MYRIP: variants seen among roughly 807,000 people sequenced by gnomAD.
MYRIP encodes myosin VIIA and Rab interacting protein.
A neutral mutation model predicts 98.0 loss-of-function variants in MYRIP; 49 were observed. The ratio of observed to expected loss-of-function variants is 0.50; its 90% confidence interval spans 0.40 to 0.63. MYRIP has a LOEUF of 0.63. MYRIP is among the 30% of genes least tolerant of loss of function. The pLI, the probability that MYRIP is intolerant of heterozygous loss-of-function variation, is 0.00. For missense variants in MYRIP, 1,004 were observed against 1,058.2 expected (o/e 0.95, Z 0.71); for synonymous variants, 404 against 409.5 (o/e 0.99, Z 0.16).
intron 3 of MYRIP, among the ~76,000 whole-genome samples, chr3:40,067,841 A>G (rs1184345197): frequency 6.6e-6 from 1 of 152,196 alleles, no homozygotes; most frequent in Non-Finnish European, 1.5e-5. Flanking sequence ...TGATCCTATC[A>G]CCTTGATAGA....
chr3:39,889,985 A>C (rs1212858743), intron 1 of MYRIP, among the ~76,000 whole-genome samples: 6 of 152,154 alleles, frequency 3.9e-5, no homozygotes, highest in Non-Finnish European at 5.9e-5. Flanking sequence ...TAAAAAATCT[A>C]AAATTTTTTT....
At chr3:39,943,445 G>C (rs2125711148) in intron 2 of MYRIP, among the ~76,000 whole-genome samples, 1 of 152,166 alleles carries the variant, frequency 6.6e-6, no homozygotes, top group South Asian at 2.1e-4. Flanking sequence ...CCTGTGCTTT[G>C]GGAGAGGATT....
intron 2 of MYRIP, among the ~76,000 whole-genome samples, chr3:39,968,994 ACTT>A (rs1395541732): frequency 1.3e-5 from 2 of 152,000 alleles, no homozygotes; most frequent in Non-Finnish European, 2.9e-5. Flanking sequence ...ATCTTCTCTG[ACTT>A]CTTTGAGAAG....
chr3:39,945,339 G>C (rs982761755), intron 2 of MYRIP, among the ~76,000 whole-genome samples: 1 of 137,040 alleles, frequency 7.3e-6, no homozygotes, highest in Non-Finnish European at 1.6e-5. Flanking sequence ...AAAAAAAGCT[G>C]TGCATGATGG....
At position 40,239,418 on chromosome 3, in the gene MYRIP, T is replaced by A. The variant is rs551438125; in HGVS notation, c.2101-5028T>A. On this transcript the variant is annotated intron_variant, in intron 12 of 16. Coordinates refer to ENST00000302541, the MANE Select transcript of MYRIP (RefSeq NM_015460.4). ...CATGATTCATAATCCTTTGGGTATA[T>A]ACCCAGTAATGGGATGGCTGGGTCA... Among the ~76,000 whole-genome samples the A allele has an allele frequency of 2.6e-3, 394 of 149,040 alleles. 5 individuals are homozygous for A. The highest frequency in any genetic ancestry group is 9.9e-3 in the African/African-American group (381 of 38,676).
intron 3 of MYRIP, among the ~76,000 whole-genome samples, chr3:40,095,562 C>T (rs1254424102): frequency 6.6e-6 from 1 of 152,116 alleles, no homozygotes; most frequent in Admixed American, 6.5e-5. Context: ...TTTCCCGAAG[C>T]CCCTAACGAT....
intron 10 of MYRIP, among the ~76,000 whole-genome samples, chr3:40,201,355 G>C (rs1040861769): frequency 3.9e-5 from 6 of 152,302 alleles, no homozygotes; most frequent in East Asian, 1.9e-4. Context: ...TGGATACCAA[G>C]TCAGGAGGTT....
chr3:39,886,423 T>G (rs1210691841), intron 1 of MYRIP, among the ~76,000 whole-genome samples: 14 of 148,696 alleles, frequency 9.4e-5, no homozygotes, highest in African/African-American at 3.2e-4. Flanking sequence ...GACCCATCAG[T>G]GTGCTGTATT....
intron 3 of MYRIP, among the ~76,000 whole-genome samples, chr3:40,065,504 T>C (rs145212712): frequency 6.1e-4 from 93 of 152,258 alleles, no homozygotes; most frequent in African/African-American, 2.1e-3. Context: ...TGGATGTTGA[T>C]ATCAGTCTTG....
At chr3:39,871,396 T>C (rs545178642) in intron 1 of MYRIP, among the ~76,000 whole-genome samples, 3 of 152,304 alleles carry the variant, frequency 2.0e-5, no homozygotes, top group South Asian at 2.1e-4. Context: ...TAGTTTTTAT[T>C]ATGCATGGAG....
Position 40,190,174 on chromosome 3 carries a change from C to T in MYRIP, c.1376C>T (p.Ser459Phe). 2 of 1,614,194 alleles carry T rather than the reference C, an allele frequency of 1.2e-6. No homozygotes were observed. The highest frequency in any genetic ancestry group is 1.7e-6 in the Non-Finnish European group (2 of 1,180,044). Residue 459 changes from serine (S) to phenylalanine (F), a missense_variant, in exon 10 of 17, where the codon TCC becomes TTC. By Grantham distance (155) the Ser-to-Phe change is radical. This residue lies in a region of MYRIP where 880 missense variants were observed against 907.7 expected (regional missense o/e 0.97). Coordinates refer to ENST00000302541, the MANE Select transcript of MYRIP (RefSeq NM_015460.4). The stretch of plus-strand genomic sequence containing the variant: ...ATGTGCTCTGACTCGGAGACCTCCT[C>T]CGCAGGCTCTTCCCGAGAAGTTGGG... ...EAMCSDSETS[S>F]AGSSREVGHQ...
At chr3:40,110,237 T>A (rs1949131414) in intron 3 of MYRIP, among the ~76,000 whole-genome samples, 1 of 152,228 alleles carries the variant, frequency 6.6e-6, no homozygotes, top group Admixed American at 6.5e-5. Context: ...TGTGGCTGTG[T>A]CCTTGGAAAG....
At chr3:40,123,964 C>T (rs1186624602) in intron 3 of MYRIP, among the ~76,000 whole-genome samples, 1 of 152,150 alleles carries the variant, frequency 6.6e-6, no homozygotes, top group Non-Finnish European at 1.5e-5. Context: ...GGTGCAAGGC[C>T]ACCTCCCTGG....
chr3:39,929,193 A>G (rs1944487537), intron 2 of MYRIP, among the ~76,000 whole-genome samples: 1 of 152,068 alleles, frequency 6.6e-6, no homozygotes, highest in Non-Finnish European at 1.5e-5. Context: ...TTAGATGTCA[A>G]TCTAGCAAAA....
intron 3 of MYRIP, among the ~76,000 whole-genome samples, chr3:40,131,879 AT>A (rs921339914): frequency 2.6e-5 from 4 of 151,006 alleles, no homozygotes; most frequent in African/African-American, 7.3e-5. Context: ...AATATCTCTA[AT>A]TTTTTTTTCA....
chr3:40,217,946 T>G (rs1006666417), intron 11 of MYRIP, among the ~76,000 whole-genome samples: 4 of 152,032 alleles, frequency 2.6e-5, no homozygotes, highest in African/African-American at 9.7e-5. Context: ...TAAAATCAAC[T>G]GAAAAGATTA....
intron 2 of MYRIP, among the ~76,000 whole-genome samples, chr3:39,999,574 G>T (rs1168907278): frequency 6.7e-6 from 1 of 150,046 alleles, no homozygotes; most frequent in African/African-American, 2.5e-5. Flanking sequence ...CACACTGTTG[G>T]TGGGACTGTA....
intron 2 of MYRIP, among the ~76,000 whole-genome samples, chr3:39,909,888 T>TG (rs59634642): frequency 2.6e-5 from 4 of 151,460 alleles, no homozygotes; most frequent in African/African-American, 9.7e-5. Flanking sequence ...CGTTCTTTTT[T>TG]TTTGTTTGTT....
At chr3:40,235,502 C>T (rs1952801105) in intron 12 of MYRIP, among the ~76,000 whole-genome samples, 1 of 152,196 alleles carries the variant, frequency 6.6e-6, no homozygotes. Flanking sequence ...TTAGCTCTTT[C>T]TCTCATCCTG....
Sources: allele counts gnomAD v4.1 joint callset (sites outside exome capture counted in the v4.1 genomes callset), GRCh38; gene constraint gnomAD v4.1.1; regional missense constraint gnomAD v4.1.1; transcripts MANE v1.5; gene names NCBI Gene and HGNC (gene_info 2026-07-23, HGNC 2026-07-21).